The following CEP192 variants were observed in gnomAD, a reference collection of about 807,000 sequenced individuals.
CEP192 encodes the protein centrosomal protein of 192 kDa.
Under a neutral mutation model 271.8 loss-of-function variants are expected in CEP192, and 151 were observed. That is an observed-to-expected ratio of 0.56 (90% confidence interval 0.49 to 0.64). The LOEUF is 0.64. Ranked by LOEUF, CEP192 falls within the 30% of genes least tolerant of loss-of-function variation. The pLI, the probability that CEP192 is intolerant of heterozygous loss-of-function variation, is 0.00. For synonymous variants in CEP192, 995 were observed against 1,076.5 expected, an observed-to-expected ratio of 0.92 and a Z score of 1.48; for missense variants, 2,910 against 3,020.5, an observed-to-expected ratio of 0.96 and a Z score of 0.86.
intron 13 of CEP192, among the ~76,000 whole-genome samples, chr18:13,040,086 G>A (rs1406910493): frequency 6.6e-6 from 1 of 152,110 alleles, no homozygotes; most frequent in Non-Finnish European, 1.5e-5. Context: ...AAGTTGAAGA[G>A]TAACTGAATT....
chr18:13,010,050 T>C (rs919675984), intron 4 of CEP192, among the ~76,000 whole-genome samples: 1 of 151,462 alleles, frequency 6.6e-6, no homozygotes, highest in Non-Finnish European at 1.5e-5. Flanking sequence ...TCCCAGCTAC[T>C]TGGGAGGCTG....
chr18:13,075,316 C>A (rs983857051), intron 30 of CEP192, among the ~76,000 whole-genome samples: 10 of 151,692 alleles, frequency 6.6e-5, no homozygotes, highest in Non-Finnish European at 1.3e-4. Flanking sequence ...GCCTGTAATC[C>A]CAGCAGTTTG....
chr18:13,041,481 G>T (rs2036198837), intron 14 of CEP192, among the ~76,000 whole-genome samples: 1 of 152,010 alleles, frequency 6.6e-6, no homozygotes, highest in Non-Finnish European at 1.5e-5. Context: ...GGGGAGTTGG[G>T]ACAAAGGGTC....
At position 13,056,135 on chromosome 18, in the gene CEP192, C is replaced by T. The variant is rs1239628718; in HGVS notation, c.3545C>T (p.Ala1182Val). The T allele has an allele frequency of 6.2e-7, 1 of 1,612,940 alleles. No individual in the cohort carries two copies. The highest frequency in any genetic ancestry group is 8.5e-7 in the Non-Finnish European group (1 of 1,179,390). Residue 1182 changes from alanine to valine, a missense_variant, in exon 19 of 45, where the codon GCC becomes GTC. Physicochemically the swap from Ala to Val is moderately conservative, Grantham distance 64. Transcript: ENST00000506447. ...KSGLSCQVGS[A>V]TSHPVSCQEP... ...GGTCTGAGCTGTCAGGTGGGGTCAG[C>T]CACATCACACCCTGTGTCCTGCCAG...
In CEP192 at chr18:13,068,961, A is replaced by G; in HGVS notation, c.4932A>G (p.Ile1644Met). Reference sequence around the variant, plus strand: ...TGAGTCTCCGAGCAAGAGCAGGAATAGCTAGGATCCATGCTCCCAGGGACT... The same window carrying G: ...TGAGTCTCCGAGCAAGAGCAGGAATGGCTAGGATCCATGCTCCCAGGGACT... ...RSVSLRARAGIARIHAPRDLQ... is the reference protein window; with the variant it reads ...RSVSLRARAGMARIHAPRDLQ... The change falls in exon 25 of 45, where the codon ATA becomes ATG. Residue 1644 changes from isoleucine (I) to methionine (M), a missense_variant. Ile to Met is a conservative substitution (Grantham distance 10). Transcript: ENST00000506447. 6.2e-7 allele frequency: 1 copy of G among 1,614,208 alleles called. No individual in the cohort carries two copies. Among genetic ancestry groups the G allele is most frequent in the Non-Finnish European group, 8.5e-7 (1 of 1,180,032 alleles).
rs2036883401 is a variant in CEP192, at chr18:13,052,996, G to A, written c.3095G>A (p.Cys1032Tyr). 6.2e-7 allele frequency: 1 copy of A among 1,613,836 alleles called. No individual in the cohort carries two copies. Among genetic ancestry groups the A allele is most frequent in the African/African-American group, 1.3e-5 (1 of 74,918 alleles). ...GAGCAGGAGTTGTCTCCCTTGGTGT[G>A]CTCGCCTGCTGGGGTGAGCAGGCTG... is the stretch of plus-strand genomic sequence containing the variant. ...PCEQELSPLVCSPAGVSRLTY... is the reference protein window; with the variant it reads ...PCEQELSPLVYSPAGVSRLTY... Residue 1032 changes from cysteine to tyrosine, a missense_variant, in exon 18 of 45, where the codon TGC (cysteine) becomes TAC (tyrosine). Physicochemically the swap from Cys to Tyr is radical, Grantham distance 194. Coordinates refer to ENST00000506447, the MANE Select transcript of CEP192 (RefSeq NM_032142.4).
At chr18:13,103,760 T>C in intron 39 of CEP192, 172 bp downstream of exon 39, 1 of 656,092 alleles carries the variant, frequency 1.5e-6, no homozygotes, top group South Asian at 1.6e-5. Context: ...GTATGAACAC[T>C]GCTCACTGCA....
chr18:13,057,028 T>TGG lies in CEP192; in HGVS notation c.4108+330_4108+331insGG, dbSNP rs1263417615. Reference sequence around the variant, plus strand: ...TGAGTGAGTGCCTCCACCTTGTGAGTCTCTGGGTGGCTGCTGTGGTGGAGA... The same window carrying TGG: ...TGAGTGAGTGCCTCCACCTTGTGAGTGGCTCTGGGTGGCTGCTGTGGTGGAGA... On this transcript the variant is annotated intron_variant, in intron 19 of 44. Transcript: ENST00000506447. 5.9e-5 allele frequency among the ~76,000 whole-genome samples: 9 copies of TGG among 152,242 alleles called. No individual in the cohort carries two copies. The East Asian group carries it at 1.5e-3, about 26-fold the overall frequency.
chr18:13,014,927 T>G lies in CEP192; in HGVS notation c.520-401T>G, dbSNP rs141847171. ...TTCCCTGGTTGAGGAGCAGAGAAAT[T>G]GATTTTTCCAATGTAATGGTGCAAA... On this transcript the variant is annotated intron_variant, in intron 5 of 44. Coordinates refer to ENST00000506447, the MANE Select transcript of CEP192 (RefSeq NM_032142.4). 2.4e-4 allele frequency among the ~76,000 whole-genome samples: 36 copies of G among 152,342 alleles called. 1 individual carries two copies. In the East Asian group the frequency reaches 6.4e-3, roughly 27 times the overall value.
At chr18:13,072,380 G>A (rs574686707) in intron 28 of CEP192, among the ~76,000 whole-genome samples, 3 of 152,258 alleles carry the variant, frequency 2.0e-5, no homozygotes, top group African/African-American at 4.8e-5. Context: ...CTGAAAGCTC[G>A]CTTGGTTGAG....
intron 13 of CEP192, among the ~76,000 whole-genome samples, chr18:13,039,571 T>C (rs1055212538): frequency 2.0e-5 from 3 of 151,920 alleles, no homozygotes; most frequent in Non-Finnish European, 4.4e-5. Flanking sequence ...GGGTGGCATA[T>C]TGGAGGAATG....
At chr18:13,083,169 C>T in intron 30 of CEP192, among the ~76,000 whole-genome samples, 1 of 152,148 alleles carries the variant, frequency 6.6e-6, no homozygotes, top group Non-Finnish European at 1.5e-5. Flanking sequence ...TGTTGGCCTG[C>T]CTTGCTAGGT....
chr18:13,010,803 G>A (rs113737811), intron 4 of CEP192, among the ~76,000 whole-genome samples: 18 of 151,810 alleles, frequency 1.2e-4, no homozygotes, highest in Admixed American at 3.3e-4. Flanking sequence ...CCGAGATCGC[G>A]CCATTGCACT....
chr18:13,004,136 G>GTACACTTAT (rs1390437727), intron 3 of CEP192, among the ~76,000 whole-genome samples: 2 of 152,178 alleles, frequency 1.3e-5, no homozygotes, highest in Non-Finnish European at 2.9e-5. Context: ...AAGTAGTTTG[G>GTACACTTAT]TGTAAGTAGG....
chr18:13,103,436 T>C (rs1055235981), intron 38 of CEP192, 73 bp from the exon 39 acceptor site: 2 of 1,171,288 alleles, frequency 1.7e-6, no homozygotes, highest in African/African-American at 3.0e-5. Context: ...ATGAGGTAGT[T>C]AGGCCTGTCA....
intron 36 of CEP192, among the ~76,000 whole-genome samples, chr18:13,098,845 T>G (rs1275506179): frequency 6.6e-6 from 1 of 151,682 alleles, no homozygotes; most frequent in Non-Finnish European, 1.5e-5. Context: ...GAGGTGGAGG[T>G]TGTAGCGAGC....
chr18:13,073,209 C>T (rs1198848652), intron 30 of CEP192, 24 bp downstream of exon 30: 2 of 1,576,740 alleles, frequency 1.3e-6, no homozygotes, highest in Non-Finnish European at 1.7e-6. Context: ...ATTGCCTTTC[C>T]CTTCCCCTGG....
intron 36 of CEP192, among the ~76,000 whole-genome samples, chr18:13,097,971 A>G (rs1190479311): frequency 6.6e-6 from 1 of 152,196 alleles, no homozygotes; most frequent in Non-Finnish European, 1.5e-5. Context: ...GTAAGGTCAT[A>G]GATCAACAGG....
In CEP192 at chr18:13,016,032, C is replaced by T. The variant is rs1171556101; in HGVS notation, c.640+584C>T. Among the ~76,000 whole-genome samples, 3 of 152,188 alleles carry T rather than the reference C, an allele frequency of 2.0e-5. No homozygotes were observed. In the South Asian group the frequency reaches 6.2e-4, roughly 31 times the overall value. ...AAGTGTTGGGATTACAGGCGTGAGC[C>T]ATCGCGCCTGGCCAGAACCATGAAA... On this transcript the variant is annotated intron_variant, in intron 6 of 44. Transcript: ENST00000506447.
Sources: allele counts gnomAD v4.1 joint callset (sites outside exome capture counted in the v4.1 genomes callset), GRCh38; gene constraint gnomAD v4.1.1; transcripts MANE v1.5; gene names NCBI Gene and HGNC (gene_info 2026-07-23, HGNC 2026-07-21).